Variants in PI4K2A observed in about 807,000 individuals in gnomAD.
The protein encoded by PI4K2A is phosphatidylinositol 4-kinase type 2-alpha.
Under a neutral mutation model 55.0 loss-of-function variants are expected in PI4K2A, and 20 were observed. The observed-to-expected ratio is 0.36, with a 90% CI of 0.26 to 0.53. The LOEUF is 0.53. Ranked by LOEUF, PI4K2A falls within the 20% of genes least tolerant of loss-of-function variation. The pLI, the probability that PI4K2A is intolerant of heterozygous loss-of-function variation, is 0.91. For missense variants in PI4K2A, 463 were observed against 637.1 expected (o/e 0.73, Z 2.94); for synonymous variants, 235 against 258.5 (o/e 0.91, Z 0.87).
At chr10:97,648,768 T>C (rs917017861) in intron 1 of PI4K2A, among the ~76,000 whole-genome samples, 1 of 152,218 alleles carries the variant, frequency 6.6e-6, no homozygotes, top group Admixed American at 6.5e-5. Flanking sequence ...TTGCTACTGC[T>C]GCTTTGTTAT....
At chr10:97,643,858 C>T (rs1272195257) in intron 1 of PI4K2A, among the ~76,000 whole-genome samples, 1 of 152,142 alleles carries the variant, frequency 6.6e-6, no homozygotes, top group Non-Finnish European at 1.5e-5. Context: ...AATAATAACT[C>T]ACTTAATCTT....
intron 4 of PI4K2A, among the ~76,000 whole-genome samples, chr10:97,661,122 G>A (rs531359424): frequency 8.8e-4 from 134 of 152,190 alleles, no homozygotes; most frequent in Middle Eastern, 3.4e-3. Context: ...CTCCCGAGTA[G>A]CTGGGACTAC....
chr10:97,675,828 A>C (rs558644367), exon 9 of PI4K2A: 1 of 152,340 alleles, frequency 6.6e-6, no homozygotes, highest in South Asian at 2.1e-4. Flanking sequence ...TTGAATGTGG[A>C]CTCTGGAAGA....
intron 8 of PI4K2A, 25 bp downstream of exon 8, chr10:97,667,145 A>G: frequency 6.4e-7 from 1 of 1,561,462 alleles, no homozygotes; most frequent in Admixed American, 1.7e-5. Flanking sequence ...TCCTCCCAGT[A>G]TCTTTGGCGT....
At position 97,649,904 on chromosome 10, in the gene PI4K2A, G is replaced by A. The variant is rs139187699; in HGVS notation, c.436-1037G>A. Among the ~76,000 whole-genome samples, 121 of 152,000 alleles carry A rather than the reference G, an allele frequency of 8.0e-4. 1 individual carries two copies. The East Asian group carries it at 0.02, about 25-fold the overall frequency. ...CTCCCAAAGTGCTGGGATTACAAGC[G>A]TAAGCCACCATGCCCGGCCCATAAT... On this transcript the variant is annotated intron_variant, in intron 1 of 8. Transcript: ENST00000370631.
rs370299992 is a variant in PI4K2A at position 97,671,630 on chromosome 10, TTTTG to T, written c.1279-1931_1279-1928del. Among the ~76,000 whole-genome samples, 380 of 152,206 alleles carry T rather than the reference TTTTG, an allele frequency of 2.5e-3. 1 individual carries two copies. The highest frequency in any genetic ancestry group is 3.6e-3 in the Non-Finnish European group (243 of 68,016). On this transcript the variant is annotated intron_variant, in intron 8 of 8. Transcript: ENST00000370631. ...CCAAATAAAATGTTGGCTTTTTACTTTTTGTTTGTTTGTTTGTTTGTTTTTTTGA... is the reference window on the plus strand; with the variant it reads ...CCAAATAAAATGTTGGCTTTTTACTTTTTGTTTGTTTGTTTGTTTTTTTGA...
In PI4K2A at chr10:97,673,934, C is replaced by T. The variant is rs1002607924; in HGVS notation, c.*192C>T. ...TCAGGAACAGTGAGTGCTCCTCGCC[C>T]TTCTGATGTGGGGGAGGCTGGAGCT... On this transcript the variant is annotated 3_prime_UTR_variant, in exon 9 of 9. Coordinates refer to ENST00000370631, the Ensembl canonical transcript of PI4K2A. 3 of 568,866 alleles carry T rather than the reference C, an allele frequency of 5.3e-6. No homozygotes were observed. In the African/African-American group the frequency reaches 5.6e-5, roughly 11 times the overall value. The allele number at this position is 568,866 out of a possible 1,614,324, so 35.2% of individuals were successfully genotyped here. A position where few individuals can be genotyped will look rare whatever the true frequency, so the allele number is the denominator to read the frequency against.
chr10:97,647,099 T>G (rs974680267), intron 1 of PI4K2A, among the ~76,000 whole-genome samples: 3 of 152,112 alleles, frequency 2.0e-5, no homozygotes, highest in Non-Finnish European at 2.9e-5. Context: ...AGTAATTGGT[T>G]GTGGGTTCTG....
chr10:97,656,517 A>T lies in PI4K2A; in HGVS notation c.768+101A>T. The T allele has an allele frequency of 4.5e-6, 5 of 1,110,938 alleles. No individual in the cohort carries two copies. The highest frequency in any genetic ancestry group is 2.3e-4 in the Middle Eastern group (1 of 4,304). The allele number at this position is 1,110,938 out of a possible 1,614,324, so 68.8% of individuals were successfully genotyped here. A position where few individuals can be genotyped will look rare whatever the true frequency, so the allele number is the denominator to read the frequency against. ...CTACAACTCAAATATGGGCACGTGA[A>T]TAACCTGCCCTGAGGATCCTGTCTT... is the stretch of plus-strand genomic sequence containing the variant. On this transcript the variant is annotated intron_variant, in intron 3 of 8. Coordinates refer to ENST00000370631, the Ensembl canonical transcript of PI4K2A. This position sits in a 1 kb window ranked among gnomAD's most constrained non-coding sequence, Gnocchi z 4.5.
intron 8 of PI4K2A, among the ~76,000 whole-genome samples, chr10:97,672,812 A>G (rs7069088): frequency 0.47 from 66,908 of 142,408 alleles, 16,773 homozygotes; most frequent in African/African-American, 0.65. Context: ...GCTCACTGCA[A>G]CCTCCACCTC....
At chr10:97,674,015 G>C in exon 9 of PI4K2A, 1 of 417,000 alleles carries the variant, frequency 2.4e-6, no homozygotes. Context: ...GCATCTGCTG[G>C]TAGCAGGCTG....
intron 1 of PI4K2A, among the ~76,000 whole-genome samples, chr10:97,642,855 CTT>C (rs1564772286): frequency 1.4e-4 from 2 of 14,636 alleles, no homozygotes; most frequent in African/African-American, 1.8e-4. Flanking sequence ...TCCTTCCTTT[CTT>C]TCTTTCTTTT....
At position 97,641,260 on chromosome 10, in the gene PI4K2A, G is replaced by A; in HGVS notation, c.435+83G>A. The A allele has an allele frequency of 3.0e-6, 3 of 1,013,488 alleles. No individual in the cohort carries two copies. The South Asian group carries it at 4.3e-5, about 15-fold the overall frequency. The allele number at this position is 1,013,488 out of a possible 1,614,324, so 62.8% of individuals were successfully genotyped here. On this transcript the variant is annotated intron_variant, in intron 1 of 8. Coordinates refer to ENST00000370631, the Ensembl canonical transcript of PI4K2A. Reference sequence around the variant, plus strand: ...AGTTGGGGGCTTCGCACAGCCAGAGGGAAAAGGGAGAAACTTCACAGTACC... The same window carrying A: ...AGTTGGGGGCTTCGCACAGCCAGAGAGAAAAGGGAGAAACTTCACAGTACC...
chr10:97,655,976 T>C (rs769705559), intron 2 of PI4K2A, among the ~76,000 whole-genome samples: 3 of 152,196 alleles, frequency 2.0e-5, no homozygotes, highest in Non-Finnish European at 4.4e-5. Flanking sequence ...GGTTCTTCCA[T>C]GGTGTGGCTC....
At chr10:97,660,208 A>G (rs1432666090) in intron 4 of PI4K2A, among the ~76,000 whole-genome samples, 4 of 147,198 alleles carry the variant, frequency 2.7e-5, no homozygotes, top group Non-Finnish European at 6.0e-5. Context: ...TCACCGTGTT[A>G]GCCAGGATGG....
At chr10:97,646,020 C>T (rs1214530136) in intron 1 of PI4K2A, among the ~76,000 whole-genome samples, 1 of 151,982 alleles carries the variant, frequency 6.6e-6, no homozygotes, top group African/African-American at 2.4e-5. Flanking sequence ...CTGGGAGTTC[C>T]TTTTTGGGGT....
Position 97,666,580 on chromosome 10 carries a change from T to C in PI4K2A, c.1218+9T>C. The C allele has an allele frequency of 6.2e-7, 1 of 1,604,296 alleles. No individual in the cohort carries two copies. The highest frequency in any genetic ancestry group is 8.5e-7 in the Non-Finnish European group (1 of 1,176,538). ...TATATGAACTCTTCAAGGTTAGCCC[T>C]GGGAACCTCAGCCCTATTATCATAT... On this transcript the variant is annotated intron_variant, in intron 7 of 8. Coordinates refer to ENST00000370631, the Ensembl canonical transcript of PI4K2A.
chr10:97,666,027 T>C (rs553684085), intron 6 of PI4K2A, among the ~76,000 whole-genome samples: 26 of 152,314 alleles, frequency 1.7e-4, no homozygotes, highest in African/African-American at 6.3e-4. Flanking sequence ...TTCCTATCAG[T>C]GTTCTGTCTT....
intron 7 of PI4K2A, 83 bp downstream of exon 7, chr10:97,666,654 A>C: frequency 8.0e-7 from 1 of 1,247,630 alleles, no homozygotes; most frequent in Non-Finnish European, 1.1e-6. Context: ...GACAAAAGCC[A>C]AGAGGAAATG....
Sources: gnomAD v4.1 joint callset for allele counts (sites outside exome capture counted in the v4.1 genomes callset) on GRCh38, gnomAD v4.1.1 for gene constraint, Gnocchi (gnomAD v3.1) non-coding constraint, MANE v1.5 for transcripts, NCBI Gene and HGNC (gene_info 2026-07-23, HGNC 2026-07-21) for gene names.